ROBO2: variants seen among roughly 807,000 people sequenced by gnomAD.
ROBO2 encodes the protein roundabout guidance receptor 2.
Under a neutral mutation model 160.8 loss-of-function variants are expected in ROBO2, and 53 were observed. The observed-to-expected ratio is 0.33, with a 90% CI of 0.26 to 0.41. The LOEUF is 0.41. ROBO2 is among the 10% of genes least tolerant of loss of function. The probability of loss-of-function intolerance (pLI) is 1.00; values close to 1 mark genes in which losing one functional copy is unlikely to be tolerated. For synonymous variants in ROBO2, 664 were observed against 611.7 expected (o/e 1.09, Z -1.26); for missense variants, 1,577 against 1,722.4 (o/e 0.92, Z 1.49).
intron 2 of ROBO2, among the ~76,000 whole-genome samples, chr3:77,215,854 C>A (rs577603721): frequency 6.6e-6 from 1 of 152,210 alleles, no homozygotes; most frequent in Non-Finnish European, 1.5e-5. Flanking sequence ...ACTCCAGACC[C>A]TGTTTGCCTA....
At chr3:76,874,152 A>C (rs1233616804) in intron 2 of ROBO2, among the ~76,000 whole-genome samples, 2 of 152,112 alleles carry the variant, frequency 1.3e-5, no homozygotes, top group Non-Finnish European at 2.9e-5. Flanking sequence ...CATTAGGTTA[A>C]ACAAAGGCTT....
intron 9 of ROBO2, among the ~76,000 whole-genome samples, chr3:77,560,468 A>C (rs966671495): frequency 2.0e-5 from 3 of 152,108 alleles, no homozygotes; most frequent in Non-Finnish European, 4.4e-5. Context: ...CCCAAAATGA[A>C]AACGTTGTTC....
intron 2 of ROBO2, among the ~76,000 whole-genome samples, chr3:76,754,796 G>A (rs2060875273): frequency 6.6e-6 from 1 of 151,848 alleles, no homozygotes; most frequent in East Asian, 2.0e-4. Flanking sequence ...ATTACACATA[G>A]GGATTTAAGT....
rs150177774 is a variant in ROBO2, at chr3:76,754,979, A to T, written c.110-343035A>T. 3.3e-3 allele frequency among the ~76,000 whole-genome samples: 502 copies of T among 152,032 alleles called. 3 individuals carry two copies. Among genetic ancestry groups the T allele is most frequent in the African/African-American group, 0.011 (442 of 41,530 alleles). On this transcript the variant is annotated intron_variant, in intron 2 of 26. Coordinates refer to the ROBO2 transcript ENST00000487694. ...ATGGCTATTTAGGTATTCACATTAG[A>T]TAAATTTTGTCTCTAGTGATCTACC...
intron 2 of ROBO2, among the ~76,000 whole-genome samples, chr3:76,711,264 C>T (rs1364067136): frequency 2.0e-5 from 3 of 152,132 alleles, no homozygotes; most frequent in Admixed American, 1.3e-4. Flanking sequence ...TTTCTTCATA[C>T]AGCAGCAACA....
intron 2 of ROBO2, among the ~76,000 whole-genome samples, chr3:76,059,597 A>G (rs570549539): frequency 2.2e-4 from 33 of 151,986 alleles, no homozygotes; most frequent in South Asian, 1.5e-3. Flanking sequence ...CCATTCTGTA[A>G]GTTGCCTGTT....
chr3:76,116,343 T>A (rs1003560658), intron 2 of ROBO2, among the ~76,000 whole-genome samples: 18 of 152,208 alleles, frequency 1.2e-4, no homozygotes, highest in African/African-American at 4.3e-4. Context: ...CTCCTATGGA[T>A]ATCCTTAACG....
chr3:75,912,993 C>G (rs1946663836), intron 1 of ROBO2, among the ~76,000 whole-genome samples: 1 of 152,168 alleles, frequency 6.6e-6, no homozygotes, highest in Non-Finnish European at 1.5e-5. Context: ...TATTGTCTTA[C>G]AGTTTCAAAG....
rs569882341 is a variant in ROBO2 at position 76,383,657 on chromosome 3, T to A, written c.109+446055T>A. On this transcript the variant is annotated intron_variant, in intron 2 of 26. Coordinates refer to the ROBO2 transcript ENST00000487694. ...GCATAACTGACGTGCATCTGGCATATCTGATGTGCCGCAACTGCCAACAGT... is the reference window on the plus strand; with the variant it reads ...GCATAACTGACGTGCATCTGGCATAACTGATGTGCCGCAACTGCCAACAGT... 2.6e-4 allele frequency among the ~76,000 whole-genome samples: 39 copies of A among 152,204 alleles called. 1 individual carries two copies. Among genetic ancestry groups the A allele is most frequent in the African/African-American group, 9.4e-4 (39 of 41,512 alleles).
In ROBO2 at chr3:76,085,973, G is replaced by T. The variant is rs76552480; in HGVS notation, c.109+148371G>T. ...TACAAAAGTGCATCCCATTCTTAAA[G>T]ACTTGTACAGAGAAACTATTTTATC... On this transcript the variant is annotated intron_variant, in intron 2 of 26. Coordinates refer to the ROBO2 transcript ENST00000487694. Among the ~76,000 whole-genome samples, 1,058 of 152,250 alleles carry T rather than the reference G, an allele frequency of 6.9e-3. 63 individuals are homozygous for T. In the East Asian group the frequency reaches 0.15, roughly 22 times the overall value.
At chr3:76,692,950 A>G (rs1356301344) in intron 2 of ROBO2, among the ~76,000 whole-genome samples, 1 of 151,248 alleles carries the variant, frequency 6.6e-6, no homozygotes, top group African/African-American at 2.4e-5. Context: ...TATAGTGTAC[A>G]TACACATATC....
chr3:76,684,277 G>A (rs929643064), intron 2 of ROBO2, among the ~76,000 whole-genome samples: 15 of 152,062 alleles, frequency 9.9e-5, no homozygotes, highest in African/African-American at 3.4e-4. Flanking sequence ...AAGCTATAGG[G>A]CCTCGCTGGG....
chr3:77,128,606 G>A (rs191717839), intron 2 of ROBO2, among the ~76,000 whole-genome samples: 148 of 152,160 alleles, frequency 9.7e-4, no homozygotes, highest in African/African-American at 3.1e-3. Flanking sequence ...TTGCTTTCTT[G>A]TATGAATTAC....
intron 2 of ROBO2, among the ~76,000 whole-genome samples, chr3:76,548,678 C>T (rs1000468853): frequency 6.7e-6 from 1 of 148,700 alleles, no homozygotes; most frequent in Non-Finnish European, 1.5e-5. Flanking sequence ...AAGGAGAAAG[C>T]AATAAAGTTG....
chr3:76,594,953 A>G (rs145846949), intron 2 of ROBO2, among the ~76,000 whole-genome samples: 17 of 152,034 alleles, frequency 1.1e-4, no homozygotes, highest in Non-Finnish European at 2.2e-4. Context: ...CCAAATCCCC[A>G]TTGTTATGGT....
intron 2 of ROBO2, among the ~76,000 whole-genome samples, chr3:76,080,691 T>G (rs151314761): frequency 6.6e-6 from 1 of 152,348 alleles, no homozygotes; most frequent in East Asian, 1.9e-4. Context: ...TTTCATCATT[T>G]TCACTTATTT....
intron 2 of ROBO2, among the ~76,000 whole-genome samples, chr3:76,979,945 C>G (rs2060010974): frequency 6.7e-6 from 1 of 148,264 alleles, no homozygotes. Flanking sequence ...GATATAGAGA[C>G]TTGGTTAAAA....
At chr3:76,991,109 T>A (rs2060641793) in intron 2 of ROBO2, among the ~76,000 whole-genome samples, 1 of 152,162 alleles carries the variant, frequency 6.6e-6, no homozygotes, top group Non-Finnish European at 1.5e-5. Flanking sequence ...GTAAAGCTTT[T>A]TAGTAAACTT....
At chr3:75,959,095 A>G (rs1948817442) in intron 2 of ROBO2, among the ~76,000 whole-genome samples, 1 of 151,806 alleles carries the variant, frequency 6.6e-6, no homozygotes. Flanking sequence ...TATTTTAAAG[A>G]GCATTTAGAA....
Sources: gnomAD v4.1 joint callset for allele counts (sites outside exome capture counted in the v4.1 genomes callset) on GRCh38, gnomAD v4.1.1 for gene constraint, MANE v1.5 for transcripts, NCBI Gene and HGNC (gene_info 2026-07-23, HGNC 2026-07-21) for gene names.